Variants in ANKS1B observed in about 807,000 individuals in gnomAD.
ANKS1B encodes ankyrin repeat and sterile alpha motif domain containing 1B, also known as ankyrin repeat and sterile alpha motif domain-containing protein 1B.
In ANKS1B, 36 loss-of-function variants were observed where a neutral mutation model predicts 148.3. The ratio of observed to expected loss-of-function variants is 0.24; its 90% CI spans 0.19 to 0.32. ANKS1B has a LOEUF of 0.32. Among genes scored for constraint, ANKS1B ranks in the 10% least tolerant of loss-of-function variants. The probability of loss-of-function intolerance (pLI) is 1.00; values close to 1 mark genes in which losing one functional copy is unlikely to be tolerated. For missense variants in ANKS1B, 1,157 were observed against 1,542.6 expected, an observed-to-expected ratio of 0.75 and a Z score of 4.19; for synonymous variants, 542 against 560.8, an observed-to-expected ratio of 0.97 and a Z score of 0.47.
intron 17 of ANKS1B, among the ~76,000 whole-genome samples, chr12:98,871,037 G>T (rs574129608): frequency 1.2e-4 from 19 of 152,230 alleles, no homozygotes; most frequent in African/African-American, 4.6e-4. Flanking sequence ...TTGAATTGAG[G>T]TCAGGTCTTT....
intron 16 of ANKS1B, among the ~76,000 whole-genome samples, chr12:99,062,458 A>G (rs1216712722): frequency 6.6e-6 from 1 of 152,214 alleles, no homozygotes; most frequent in Non-Finnish European, 1.5e-5. Flanking sequence ...ACAGATAAAA[A>G]TAATACTCAG....
intron 9 of ANKS1B, among the ~76,000 whole-genome samples, chr12:99,527,392 A>T (rs919205066): frequency 1.3e-5 from 2 of 152,208 alleles, no homozygotes; most frequent in African/African-American, 4.8e-5. Flanking sequence ...CCTTTAATAA[A>T]ATAAATAAGT....
In ANKS1B at chr12:99,984,277, C is replaced by T. The variant is rs2095750803; in HGVS notation, c.-40G>A. On this transcript the variant is annotated 5_prime_UTR_variant, in exon 1 of 27. Coordinates refer to ENST00000683438, the MANE Select transcript of ANKS1B (RefSeq NM_001352186.2). The stretch of plus-strand genomic sequence containing the variant: ...TCCCCCACAGAGTCCTTGCCCCCCT[C>T]GGGTCCTCCTCCCCACCCACCCCCA... 1.3e-6 allele frequency: 2 copies of T among 1,566,344 alleles called. No individual in the cohort carries two copies. The highest frequency in any genetic ancestry group is 2.3e-5 in the East Asian group (1 of 43,552).
chr12:99,648,778 A>C lies in ANKS1B; in HGVS notation c.1272+6289T>G, dbSNP rs746382846. ...CTCATCTGTGTTGGAGGAAGTGCAG[A>C]GGAGCCCAGTGGTGAGTCTATGCAG... On this transcript the variant is annotated intron_variant, in intron 9 of 26. Transcript: ENST00000683438. 5 of 1,610,874 alleles carry C rather than the reference A, an allele frequency of 3.1e-6. No individual in the cohort carries two copies. In the South Asian group the frequency reaches 5.5e-5, roughly 18 times the overall value.
chr12:99,559,049 G>C (rs1203530994), intron 9 of ANKS1B, among the ~76,000 whole-genome samples: 2 of 152,022 alleles, frequency 1.3e-5, no homozygotes, highest in African/African-American at 4.8e-5. Flanking sequence ...AATGAATCTT[G>C]GTGCTCCGAA....
chr12:98,923,076 A>AGAG (rs1400027701), intron 17 of ANKS1B, among the ~76,000 whole-genome samples: 4 of 152,100 alleles, frequency 2.6e-5, no homozygotes, highest in Admixed American at 6.6e-5. Context: ...TCTGGGTCAT[A>AGAG]GAGGTATATC....
intron 7 of ANKS1B, among the ~76,000 whole-genome samples, chr12:99,774,652 A>T (rs1374808523): frequency 6.6e-6 from 1 of 152,120 alleles, no homozygotes; most frequent in Non-Finnish European, 1.5e-5. Context: ...AGGAAATGAA[A>T]CCAGTATCTT....
chr12:99,120,475 A>T (rs1431172974), intron 15 of ANKS1B, among the ~76,000 whole-genome samples: 1 of 152,230 alleles, frequency 6.6e-6, no homozygotes, highest in Non-Finnish European at 1.5e-5. Flanking sequence ...ATCAATACAT[A>T]AGTAATGAAT....
At chr12:98,971,865 T>C (rs777799756) in intron 17 of ANKS1B, among the ~76,000 whole-genome samples, 2 of 152,068 alleles carry the variant, frequency 1.3e-5, no homozygotes, top group African/African-American at 2.4e-5. Context: ...CTGGTTCTCT[T>C]TGGAAATTTC....
chr12:99,617,186 C>T (rs1185649894), intron 9 of ANKS1B, among the ~76,000 whole-genome samples: 3 of 151,986 alleles, frequency 2.0e-5, no homozygotes, highest in Non-Finnish European at 2.9e-5. Flanking sequence ...ACTTTTACAC[C>T]ATTGGTGGGA....
At chr12:98,819,194 G>T (rs2099165296) in intron 19 of ANKS1B, among the ~76,000 whole-genome samples, 2 of 152,222 alleles carry the variant, frequency 1.3e-5, no homozygotes, top group Non-Finnish European at 2.9e-5. Context: ...TATAAAAACT[G>T]CTTTATCTGG....
chr12:99,276,231 T>A (rs1322001849), intron 12 of ANKS1B, among the ~76,000 whole-genome samples: 1 of 152,196 alleles, frequency 6.6e-6, no homozygotes, highest in African/African-American at 2.4e-5. Context: ...ACTAGACGGT[T>A]TGGGACATTA....
In ANKS1B at chr12:99,403,281, C is replaced by T. The variant is rs1235283136; in HGVS notation, c.1576-3470G>A. Among the ~76,000 whole-genome samples the T allele has an allele frequency of 2.9e-5, 4 of 138,404 alleles. 1 individual carries two copies. The highest frequency in any genetic ancestry group is 6.2e-5 in the Non-Finnish European group (4 of 64,268). The allele number at this position is 138,404 out of a possible 152,430, so 90.8% of individuals were successfully genotyped here. On this transcript the variant is annotated intron_variant, in intron 11 of 26. Transcript: ENST00000683438. ...AAGTGATTCTTGTGCCTCAGGGCCT[C>T]GAGTAGCTGGGATTACAGGCAAGCA...
intron 8 of ANKS1B, among the ~76,000 whole-genome samples, chr12:99,740,647 A>G (rs995961205): frequency 1.1e-4 from 17 of 152,354 alleles, no homozygotes; most frequent in African/African-American, 3.8e-4. Flanking sequence ...TGCAGCTCCC[A>G]GTGAGATCAA....
intron 11 of ANKS1B, among the ~76,000 whole-genome samples, chr12:99,431,151 T>C (rs1174164023): frequency 6.6e-6 from 1 of 152,250 alleles, no homozygotes; most frequent in Non-Finnish European, 1.5e-5. Flanking sequence ...TTATTTGTTT[T>C]TCCATTTTAG....
chr12:99,632,767 A>ATATATTTT (rs1441486862), intron 9 of ANKS1B, among the ~76,000 whole-genome samples: 23 of 71,314 alleles, frequency 3.2e-4, no homozygotes, highest in East Asian at 7.9e-4. Flanking sequence ...ATATATATAT[A>ATATATTTT]TTTTAATTAT....
intron 12 of ANKS1B, among the ~76,000 whole-genome samples, chr12:99,358,208 T>G (rs565364716): frequency 1.6e-4 from 24 of 152,138 alleles, no homozygotes; most frequent in Non-Finnish European, 3.2e-4. Flanking sequence ...ACATATTGAT[T>G]ATTTTCTTTA....
intron 1 of ANKS1B, among the ~76,000 whole-genome samples, chr12:99,896,281 T>C (rs2153752027): frequency 6.6e-6 from 1 of 151,432 alleles, no homozygotes; most frequent in Admixed American, 6.6e-5. Flanking sequence ...TTCTATTCTC[T>C]GTTTCCATGT....
chr12:99,790,456 A>G (rs947035644), intron 4 of ANKS1B, among the ~76,000 whole-genome samples: 3 of 152,098 alleles, frequency 2.0e-5, no homozygotes, highest in African/African-American at 7.2e-5. Context: ...AGCCCACAGA[A>G]AATCCAGAAT....
Sources: gnomAD v4.1 joint callset for allele counts (sites outside exome capture counted in the v4.1 genomes callset) on GRCh38, gnomAD v4.1.1 for gene constraint, MANE v1.5 for transcripts, NCBI Gene and HGNC (gene_info 2026-07-23, HGNC 2026-07-21) for gene names.